Variants in EFHC1 observed in about 807,000 individuals in gnomAD.
The protein encoded by EFHC1 is EF-hand domain-containing protein 1.
Under a neutral mutation model 69.9 loss-of-function variants are expected in EFHC1, and 53 were observed. The observed-to-expected ratio is 0.76, with a 90% CI of 0.61 to 0.95. The LOEUF (loss-of-function observed/expected upper bound fraction) is 0.95. EFHC1 is among the 40% of genes least tolerant of loss of function. The pLI is 0.00. For missense variants in EFHC1, 739 were observed against 798.7 expected (o/e 0.93, Z 0.90); for synonymous variants, 256 against 278.4 (o/e 0.92, Z 0.80).
At chr6:52,471,636 A>G (rs755981995) in intron 7 of EFHC1, among the ~76,000 whole-genome samples, 2 of 152,050 alleles carry the variant, frequency 1.3e-5, no homozygotes, top group Non-Finnish European at 2.9e-5. Context: ...GAGGCCAAGG[A>G]GGGCAGATCA....
At chr6:52,432,290 G>A (rs942129606) in intron 2 of EFHC1, among the ~76,000 whole-genome samples, 1 of 151,974 alleles carries the variant, frequency 6.6e-6, no homozygotes, top group African/African-American at 2.4e-5. Context: ...TTGTATTTTT[G>A]TTTTATAGGT....
intron 1 of EFHC1, among the ~76,000 whole-genome samples, chr6:52,423,508 T>C (rs534271125): frequency 5.3e-5 from 8 of 152,220 alleles, no homozygotes; most frequent in African/African-American, 1.9e-4. Context: ...GCTTTTGTTT[T>C]GTTTTGTTTT....
intron 3 of EFHC1, among the ~76,000 whole-genome samples, chr6:52,444,931 G>T (rs1038629062): frequency 6.6e-6 from 1 of 152,094 alleles, no homozygotes; most frequent in Non-Finnish European, 1.5e-5. Context: ...GACTGTTTTT[G>T]GTTGGTAGGC....
At position 52,423,725 on chromosome 6, in the gene EFHC1, C is replaced by T. The variant is rs563856926; in HGVS notation, c.64-221C>T. 6.2e-5 allele frequency: 53 copies of T among 848,050 alleles called. 1 individual carries two copies. The South Asian group carries it at 6.6e-4, about 11-fold the overall frequency. The allele number at this position is 848,050 out of a possible 1,614,324, so 52.5% of individuals were successfully genotyped here. On this transcript the variant is annotated intron_variant, in intron 1 of 10. Coordinates refer to ENST00000371068, the MANE Select transcript of EFHC1 (RefSeq NM_018100.4). Reference sequence around the variant, plus strand: ...AGCATCTTGTTGCCCAGGCTGGTCTCGAACTCTGGGGCTGAAGTGATTCTC... The same window carrying T: ...AGCATCTTGTTGCCCAGGCTGGTCTTGAACTCTGGGGCTGAAGTGATTCTC...
chr6:52,468,057 A>G (rs1765349459), intron 6 of EFHC1, among the ~76,000 whole-genome samples: 1 of 152,226 alleles, frequency 6.6e-6, no homozygotes, highest in African/African-American at 2.4e-5. Context: ...AGGAATAAGT[A>G]AACATAAATG....
rs1004038576 is a variant in EFHC1, at chr6:52,495,345, C to T, written c.*3004C>T. On this transcript the variant is annotated 3_prime_UTR_variant, in exon 11 of 11. Transcript: ENST00000371068. ...AGTATACCCTCACTTAGCTTGCAGA[C>T]CCAAGGCACTCCAGCCCCTTTCAAG... 13 of 454,012 alleles carry T rather than the reference C, an allele frequency of 2.9e-5. No homozygotes were observed. The highest frequency in any genetic ancestry group is 2.8e-4 in the Admixed American group (12 of 42,560). The allele number at this position is 454,012 out of a possible 1,614,324, so 28.1% of individuals were successfully genotyped here. A position where few individuals can be genotyped will look rare whatever the true frequency, so the allele number is the denominator to read the frequency against.
In EFHC1 at chr6:52,459,335, G is replaced by T. The variant is rs563309119; in HGVS notation, c.916+5048G>T. On this transcript the variant is annotated intron_variant, in intron 5 of 10. Coordinates refer to ENST00000371068, the MANE Select transcript of EFHC1 (RefSeq NM_018100.4). ...GTAAAACATATTTGAGAAGGTACTT[G>T]TCATAGGATATATAAAGTGGCTCTT... Among the ~76,000 whole-genome samples, 11 of 152,330 alleles carry T rather than the reference G, an allele frequency of 7.2e-5. 1 individual carries two copies. In the South Asian group the frequency reaches 1.9e-3, roughly 26 times the overall value.
chr6:52,475,979 T>C (rs993238837), intron 7 of EFHC1, among the ~76,000 whole-genome samples: 2 of 152,130 alleles, frequency 1.3e-5, no homozygotes, highest in Non-Finnish European at 2.9e-5. Flanking sequence ...GAGGAGGTCA[T>C]AGCAGAGCAG....
intron 4 of EFHC1, chr6:52,453,538 G>A: frequency 7.8e-7 from 1 of 1,286,080 alleles, no homozygotes; most frequent in South Asian, 1.2e-5. Flanking sequence ...GGTCTTTTAA[G>A]GATTTTGTTC....
chr6:52,476,722 C>T (rs73445989), intron 7 of EFHC1, among the ~76,000 whole-genome samples: 2,799 of 152,012 alleles, frequency 0.018, 95 homozygotes, highest in African/African-American at 0.064. Flanking sequence ...TCTTCAAAAG[C>T]GTCAAAGTCA....
chr6:52,472,414 C>T (rs899141274), intron 7 of EFHC1, among the ~76,000 whole-genome samples: 9 of 152,098 alleles, frequency 5.9e-5, no homozygotes, highest in African/African-American at 2.2e-4. Flanking sequence ...ATAAAATTGT[C>T]ATTATCCAAA....
intron 5 of EFHC1, among the ~76,000 whole-genome samples, chr6:52,460,453 C>A (rs1377278648): frequency 6.6e-6 from 1 of 152,102 alleles, no homozygotes; most frequent in Non-Finnish European, 1.5e-5. Flanking sequence ...ATGATGGTTT[C>A]ATGGGTAAAT....
At chr6:52,423,762 T>C (rs1169266652) in intron 1 of EFHC1, 184 bp from the exon 2 acceptor site, 2 of 1,398,748 alleles carry the variant, frequency 1.4e-6, no homozygotes, top group South Asian at 1.3e-5. Context: ...CTCTTCAGCC[T>C]CCCAGAGTTC....
At chr6:52,451,015 G>C (rs557122883) in intron 3 of EFHC1, among the ~76,000 whole-genome samples, 1 of 152,098 alleles carries the variant, frequency 6.6e-6, no homozygotes, top group Admixed American at 6.5e-5. Context: ...GGCCAGGCTG[G>C]TCCTAAACTC....
intron 3 of EFHC1, among the ~76,000 whole-genome samples, chr6:52,451,031 C>G (rs1269900484): frequency 2.0e-5 from 3 of 152,284 alleles, no homozygotes; most frequent in African/African-American, 7.2e-5. Context: ...AACTCCTGAC[C>G]TCAAGTGATC....
rs761135063 is a variant in EFHC1 at position 52,465,051 on chromosome 6, A to C, written c.1073A>C (p.Lys358Thr). The change falls in exon 6 of 11, where the codon AAG becomes ACG. Residue 358 changes from lysine (K) to threonine (T), a missense_variant. By Grantham distance (78) the Lys-to-Thr change is moderately conservative. Coordinates refer to ENST00000371068, the MANE Select transcript of EFHC1 (RefSeq NM_018100.4). The part of the protein sequence containing the change: ...DPFTRRYYKE[K>T]FGITDLPRID... ...TTTACTCGACGGTATTACAAAGAGA[A>C]GTTTGGAATCACTGATTTACCACGT... is the stretch of plus-strand genomic sequence containing the variant. The C allele has an allele frequency of 1.2e-6, 2 of 1,614,030 alleles. No homozygotes were observed. The highest frequency in any genetic ancestry group is 2.7e-5 in the African/African-American group (2 of 74,930).
chr6:52,439,167 A>G (rs1764604057), intron 3 of EFHC1, among the ~76,000 whole-genome samples: 1 of 152,200 alleles, frequency 6.6e-6, no homozygotes, highest in Non-Finnish European at 1.5e-5. Context: ...AACTTTTATT[A>G]AAGTTACATG....
chr6:52,475,145 G>C (rs1765520051), intron 7 of EFHC1, among the ~76,000 whole-genome samples: 1 of 152,030 alleles, frequency 6.6e-6, no homozygotes, highest in Non-Finnish European at 1.5e-5. Context: ...TTCTGGTCAT[G>C]GTAATTTTCA....
intron 10 of EFHC1, among the ~76,000 whole-genome samples, chr6:52,491,840 G>A (rs916578767): frequency 2.0e-5 from 3 of 152,218 alleles, no homozygotes; most frequent in African/African-American, 7.2e-5. Flanking sequence ...TCACATTATT[G>A]CTAACAGGCT....
Sources: allele counts gnomAD v4.1 joint callset (sites outside exome capture counted in the v4.1 genomes callset), GRCh38; gene constraint gnomAD v4.1.1; transcripts MANE v1.5; gene names NCBI Gene and HGNC (gene_info 2026-07-23, HGNC 2026-07-21).